The following METTL6 variants were observed in gnomAD, a reference collection of about 807,000 sequenced individuals.
The protein encoded by METTL6 is methyltransferase 6, tRNA N3-cytidine.
METTL6 carries 22 observed loss-of-function variants against 26.4 expected under a neutral mutation model. That is an observed-to-expected ratio of 0.83 (90% CI 0.59 to 1.19). METTL6 has a LOEUF of 1.19. METTL6 is among the 50% of genes most tolerant of loss of function. The probability of loss-of-function intolerance (pLI) is 0.00; values close to 1 mark genes in which losing one functional copy is unlikely to be tolerated. For synonymous variants in METTL6, 109 were observed against 116.2 expected, an observed-to-expected ratio of 0.94 and a Z score of 0.40; for missense variants, 304 against 324.8, an observed-to-expected ratio of 0.94 and a Z score of 0.49.
chr3:15,412,493 TG>T (rs1398570069), intron 5 of METTL6, among the ~76,000 whole-genome samples: 2 of 152,150 alleles, frequency 1.3e-5, no homozygotes, highest in Non-Finnish European at 2.9e-5. Context: ...TGTTTTGTTT[TG>T]TTTTTTTGAG....
At chr3:15,393,234 A>G (rs1280788141) in intron 6 of METTL6, among the ~76,000 whole-genome samples, 1 of 152,148 alleles carries the variant, frequency 6.6e-6, no homozygotes, top group African/African-American at 2.4e-5. Context: ...TTGGATTCCT[A>G]GGTATTTCAT....
At position 15,385,373 on chromosome 3, in the gene METTL6, G is replaced by A. The variant is rs187108706; in HGVS notation, c.*12-1186C>T. Among the ~76,000 whole-genome samples, 243 of 152,230 alleles carry A rather than the reference G, an allele frequency of 1.6e-3. 1 individual carries two copies. The highest frequency in any genetic ancestry group is 5.5e-3 in the African/African-American group (230 of 41,548). ...AGCGCTTTGGGAGGCCGAGGTGGGC[G>A]GATCATCTGAGGTCAGGAGTTTGAG... On this transcript the variant is annotated intron_variant, in intron 6 of 6. Transcript: ENST00000443029.
intron 1 of METTL6, among the ~76,000 whole-genome samples, chr3:15,426,894 A>G (rs1057229985): frequency 5.3e-5 from 8 of 152,246 alleles, no homozygotes; most frequent in African/African-American, 1.4e-4. Context: ...AGTTTACGAA[A>G]AAGGACGCTC....
intron 3 of METTL6, among the ~76,000 whole-genome samples, chr3:15,420,533 G>A (rs1186114460): frequency 2.0e-5 from 3 of 152,186 alleles, no homozygotes; most frequent in Admixed American, 6.5e-5. Context: ...ACTGCGTCAG[G>A]AGAAAAGGAG....
chr3:15,424,548 C>T (rs959580531), intron 3 of METTL6, among the ~76,000 whole-genome samples: 1 of 152,116 alleles, frequency 6.6e-6, no homozygotes, highest in Admixed American at 6.5e-5. Flanking sequence ...ATTACAAGTG[C>T]GAACCAACAT....
chr3:15,409,689 C>T (rs926719013), downstream of METTL6, among the ~76,000 whole-genome samples: 12 of 152,094 alleles, frequency 7.9e-5, no homozygotes, highest in African/African-American at 2.4e-4. Flanking sequence ...CTCTCCCCCC[C>T]AGGGCAAACA....
chr3:15,394,679 G>C (rs1280893719), intron 6 of METTL6, among the ~76,000 whole-genome samples: 1 of 152,242 alleles, frequency 6.6e-6, no homozygotes, highest in Non-Finnish European at 1.5e-5. Context: ...ATGTGTCCCA[G>C]AGATTCTGGT....
chr3:15,395,637 C>G (rs1396388830), intron 6 of METTL6, among the ~76,000 whole-genome samples: 2 of 151,980 alleles, frequency 1.3e-5, no homozygotes, highest in African/African-American at 4.8e-5. Context: ...GTGGCTGGTA[C>G]CGGTTGTTCC....
chr3:15,401,999 G>A (rs938424307), intron 6 of METTL6, among the ~76,000 whole-genome samples: 14 of 152,052 alleles, frequency 9.2e-5, no homozygotes, highest in South Asian at 2.1e-4. Flanking sequence ...AACTCGCCCC[G>A]AATTCTTTCT....
Position 15,425,681 on chromosome 3 carries a change from C to T in METTL6, c.226-592G>A, listed in dbSNP as rs146573922. On this transcript the variant is annotated intron_variant, in intron 2 of 5. Transcript: ENST00000383790. ...CACAGGCACAAGCCGCCTGCCTCAGCCTCTGGAGTAGCTGGCAATAGCCAC... is the reference window on the plus strand; with the variant it reads ...CACAGGCACAAGCCGCCTGCCTCAGTCTCTGGAGTAGCTGGCAATAGCCAC... Among the ~76,000 whole-genome samples, 176 of 152,308 alleles carry T rather than the reference C, an allele frequency of 1.2e-3. 1 individual carries two copies. The highest frequency in any genetic ancestry group is 4.0e-3 in the African/African-American group (168 of 41,572).
chr3:15,392,346 G>GTT (rs554743370), intron 6 of METTL6, among the ~76,000 whole-genome samples: 2 of 151,636 alleles, frequency 1.3e-5, no homozygotes, highest in African/African-American at 2.4e-5. Flanking sequence ...TGATGGGGTT[G>GTT]TTTTTTTTCT....
At chr3:15,422,720 G>A (rs1270672416) in intron 3 of METTL6, among the ~76,000 whole-genome samples, 1 of 152,182 alleles carries the variant, frequency 6.6e-6, no homozygotes, top group Non-Finnish European at 1.5e-5. Context: ...TGGGGAACGA[G>A]ATACTTGCAA....
chr3:15,413,183 TG>T (rs894499022), intron 5 of METTL6, among the ~76,000 whole-genome samples: 13 of 152,176 alleles, frequency 8.5e-5, no homozygotes, highest in Non-Finnish European at 1.3e-4. Context: ...TGGTGGGGGT[TG>T]CAGTGAGCCA....
intron 3 of METTL6, among the ~76,000 whole-genome samples, chr3:15,421,597 C>T (rs1404628239): frequency 6.6e-6 from 1 of 152,152 alleles, no homozygotes; most frequent in Non-Finnish European, 1.5e-5. Flanking sequence ...AACAGCTGCA[C>T]ACGCCACCAC....
At chr3:15,387,159 T>C (rs1699222328) in intron 6 of METTL6, among the ~76,000 whole-genome samples, 1 of 152,148 alleles carries the variant, frequency 6.6e-6, no homozygotes, top group Non-Finnish European at 1.5e-5. Flanking sequence ...TACAACCAAT[T>C]GTTATTTTAG....
At chr3:15,415,717 T>C (rs1700174977) in intron 4 of METTL6, 55 bp downstream of exon 4, 1 of 1,598,790 alleles carries the variant, frequency 6.3e-7, no homozygotes, top group African/African-American at 1.3e-5. Flanking sequence ...TGAGGGAAGG[T>C]AAGTAAAAGA....
chr3:15,416,100 C>T (rs1700194119), intron 3 of METTL6, among the ~76,000 whole-genome samples, 158 bp from the exon 4 acceptor site: 1 of 152,200 alleles, frequency 6.6e-6, no homozygotes, highest in South Asian at 2.1e-4. Context: ...CACTATAAAG[C>T]ATGTAATATT....
At chr3:15,391,141 T>C (rs1699333580) in intron 6 of METTL6, among the ~76,000 whole-genome samples, 1 of 152,232 alleles carries the variant, frequency 6.6e-6, no homozygotes, top group Non-Finnish European at 1.5e-5. Context: ...CTCAGCCACT[T>C]GTATCCTTGA....
chr3:15,412,763 GC>G (rs1263416598), intron 5 of METTL6, among the ~76,000 whole-genome samples: 2 of 151,818 alleles, frequency 1.3e-5, no homozygotes, highest in African/African-American at 4.8e-5. Flanking sequence ...TAATTTTGCA[GC>G]TTTAATAGTA....
Sources: allele counts gnomAD v4.1 joint callset (sites outside exome capture counted in the v4.1 genomes callset), GRCh38; gene constraint gnomAD v4.1.1; transcripts MANE v1.5; gene names NCBI Gene and HGNC (gene_info 2026-07-23, HGNC 2026-07-21).